Variants in PPP1R16B observed in about 807,000 individuals in gnomAD.
The protein encoded by PPP1R16B is protein phosphatase 1 regulatory inhibitor subunit 16B.
In PPP1R16B, 14 loss-of-function variants were observed where a neutral mutation model predicts 61.7. The observed-to-expected ratio is 0.23, with a 90% CI of 0.15 to 0.35. The LOEUF (loss-of-function observed/expected upper bound fraction) is 0.35, where lower values mean the gene tolerates loss of function less well. Among genes scored for constraint, PPP1R16B ranks in the 10% least tolerant of loss-of-function variants. PPP1R16B has a pLI of 1.00. For missense variants in PPP1R16B, 547 were observed against 752.5 expected (o/e 0.73, Z 3.19); for synonymous variants, 266 against 305.3 (o/e 0.87, Z 1.34).
At chr20:38,856,394 C>G (rs922232632) in intron 2 of PPP1R16B, among the ~76,000 whole-genome samples, 3 of 152,128 alleles carry the variant, frequency 2.0e-5, no homozygotes, top group Non-Finnish European at 4.4e-5. Flanking sequence ...GTAAACTCAG[C>G]CTAAGTCTGT....
intron 2 of PPP1R16B, among the ~76,000 whole-genome samples, chr20:38,880,206 C>T (rs2085195061): frequency 1.3e-5 from 2 of 152,080 alleles, no homozygotes; most frequent in Admixed American, 6.6e-5. Context: ...CCATACATAA[C>T]TATAAAATAG....
rs114260355 is a variant in PPP1R16B, at chr20:38,915,791, G to A, written c.1195-2366G>A. ...AAGCGTGAGCCACCACGCTCGGCCT[G>A]TACATGTTTTTTTTTAACTGTCTAG... On this transcript the variant is annotated intron_variant, in intron 10 of 10. Coordinates refer to ENST00000299824, the MANE Select transcript of PPP1R16B (RefSeq NM_015568.4). Among the ~76,000 whole-genome samples, 390 of 152,044 alleles carry A rather than the reference G, an allele frequency of 2.6e-3. 1 individual carries two copies. Among genetic ancestry groups the A allele is most frequent in the African/African-American group, 9.0e-3 (375 of 41,488 alleles).
intron 1 of PPP1R16B, among the ~76,000 whole-genome samples, chr20:38,810,391 G>A (rs560226941): frequency 1.3e-5 from 2 of 152,350 alleles, no homozygotes; most frequent in East Asian, 3.9e-4. Context: ...TTCCTTGGAG[G>A]GTGGTTCTCT....
At chr20:38,888,903 ACACAC>A (rs2085268436) in intron 2 of PPP1R16B, among the ~76,000 whole-genome samples, 1 of 151,052 alleles carries the variant, frequency 6.6e-6, no homozygotes, top group South Asian at 2.1e-4. Flanking sequence ...ACACACACAC[ACACAC>A]ACACACACAC....
At chr20:38,807,100 G>T (rs995291931) in intron 1 of PPP1R16B, among the ~76,000 whole-genome samples, 14 of 152,212 alleles carry the variant, frequency 9.2e-5, no homozygotes, top group African/African-American at 3.1e-4. Flanking sequence ...TTTCCCGCAG[G>T]GCTCTCCCTG....
At chr20:38,915,863 G>A (rs1234552329) in intron 10 of PPP1R16B, among the ~76,000 whole-genome samples, 1 of 151,200 alleles carries the variant, frequency 6.6e-6, no homozygotes, top group East Asian at 1.9e-4. Flanking sequence ...TCAGATCTTT[G>A]CCACTCTAAG....
chr20:38,884,763 C>T (rs549283045), intron 2 of PPP1R16B, among the ~76,000 whole-genome samples: 1 of 151,876 alleles, frequency 6.6e-6, no homozygotes, highest in Non-Finnish European at 1.5e-5. Flanking sequence ...CATAGTGAGG[C>T]CCTGTCTCTT....
At chr20:38,865,822 T>G (rs2085086968) in intron 2 of PPP1R16B, among the ~76,000 whole-genome samples, 1 of 152,104 alleles carries the variant, frequency 6.6e-6, no homozygotes, top group African/African-American at 2.4e-5. Flanking sequence ...CTCATCACCT[T>G]GGCTTTAAAA....
chr20:38,852,768 T>TTTTGGTG (rs1601257219), intron 2 of PPP1R16B, among the ~76,000 whole-genome samples: 1 of 62,336 alleles, frequency 1.6e-5, no homozygotes, highest in Non-Finnish European at 3.0e-5. Flanking sequence ...TTTTTTTTTT[T>TTTTGGTG]GCGGGGGGTG....
intron 2 of PPP1R16B, among the ~76,000 whole-genome samples, chr20:38,869,376 C>T (rs575533268): frequency 6.6e-6 from 1 of 152,216 alleles, no homozygotes; most frequent in South Asian, 2.1e-4. Flanking sequence ...TCAAACTGGT[C>T]TCGAACTCCT....
At position 38,902,808 on chromosome 20, in the gene PPP1R16B, AG is replaced by A. The variant is rs2085407458; in HGVS notation, c.696+17del. The A allele has an allele frequency of 6.2e-7, 1 of 1,613,978 alleles. No homozygotes were observed. The highest frequency in any genetic ancestry group is 1.7e-5 in the Admixed American group (1 of 60,006). ...TGCCACACTGGTGAGGAGATGGGCCAGTACCAAAACCAAGACCAGCTAGGTC... is the reference window on the plus strand; with the variant it reads ...TGCCACACTGGTGAGGAGATGGGCCATACCAAAACCAAGACCAGCTAGGTC... On this transcript the variant is annotated intron_variant, in intron 6 of 10. Coordinates refer to ENST00000299824, the MANE Select transcript of PPP1R16B (RefSeq NM_015568.4).
At chr20:38,828,208 G>T (rs1260365658) in intron 1 of PPP1R16B, among the ~76,000 whole-genome samples, 2 of 152,166 alleles carry the variant, frequency 1.3e-5, no homozygotes, top group Non-Finnish European at 2.9e-5. Flanking sequence ...CAGTCACAAA[G>T]CCTGGGCCCG....
rs1208988358 is a variant in PPP1R16B, at chr20:38,905,956, T to C, written c.697-13T>C. On this transcript the variant is annotated splice_polypyrimidine_tract_variant and intron_variant, in intron 6 of 10. Coordinates refer to ENST00000299824, the MANE Select transcript of PPP1R16B (RefSeq NM_015568.4). ...ATCCCCTGAGGAATGCTCACTTCTT[T>C]CCTCTCCTCCAGCTGCACATAGCTG... 1.9e-6 allele frequency: 3 copies of C among 1,611,080 alleles called. No homozygotes were observed. In the South Asian group the frequency reaches 3.3e-5, roughly 18 times the overall value.
chr20:38,849,509 T>C (rs886742988), intron 2 of PPP1R16B, among the ~76,000 whole-genome samples: 4 of 152,188 alleles, frequency 2.6e-5, no homozygotes, highest in African/African-American at 9.7e-5. Context: ...GAACTGTCAC[T>C]TTCCTCGTTC....
At chr20:38,914,626 T>C (rs906733808) in intron 10 of PPP1R16B, among the ~76,000 whole-genome samples, 2 of 152,216 alleles carry the variant, frequency 1.3e-5, no homozygotes, top group African/African-American at 4.8e-5. Flanking sequence ...CTTCCTTCAA[T>C]GCTCTGATTT....
intron 1 of PPP1R16B, among the ~76,000 whole-genome samples, chr20:38,809,359 A>G (rs763348819): frequency 6.6e-5 from 10 of 152,138 alleles, no homozygotes; most frequent in Non-Finnish European, 1.0e-4. Flanking sequence ...TCCAGGATTC[A>G]TTGATTCATT....
At chr20:38,851,270 G>T (rs1394976444) in intron 2 of PPP1R16B, among the ~76,000 whole-genome samples, 1 of 152,008 alleles carries the variant, frequency 6.6e-6, no homozygotes, top group East Asian at 1.9e-4. Context: ...TTCGAGACCA[G>T]CCTGGCCAAC....
At chr20:38,913,871 A>G (rs2085511727) in intron 10 of PPP1R16B, among the ~76,000 whole-genome samples, 1 of 152,180 alleles carries the variant, frequency 6.6e-6, no homozygotes, top group East Asian at 1.9e-4. Context: ...TCCTGTGGGG[A>G]GGGGAGCAGC....
intron 2 of PPP1R16B, among the ~76,000 whole-genome samples, chr20:38,882,167 A>G (rs960728958): frequency 1.8e-4 from 28 of 152,198 alleles, no homozygotes; most frequent in Non-Finnish European, 3.4e-4. Context: ...GGCTGTAGAA[A>G]GAGCAAGGGC....
Sources: gnomAD v4.1 joint callset for allele counts (sites outside exome capture counted in the v4.1 genomes callset) on GRCh38, gnomAD v4.1.1 for gene constraint, MANE v1.5 for transcripts, NCBI Gene and HGNC (gene_info 2026-07-23, HGNC 2026-07-21) for gene names.